Variants in MYO6 observed in about 807,000 individuals in gnomAD.
The protein encoded by MYO6 is myosin VI, also known as unconventional myosin-VI.
MYO6 carries 74 observed loss-of-function variants against 178.7 expected under a neutral mutation model. The observed-to-expected ratio is 0.41, with a 90% CI of 0.34 to 0.50. The LOEUF is 0.50. Ranked by LOEUF, MYO6 falls within the 20% of genes least tolerant of loss-of-function variation. The pLI is 0.09. For synonymous variants in MYO6, 477 were observed against 504.6 expected, an observed-to-expected ratio of 0.95 and a Z score of 0.73; for missense variants, 1,330 against 1,547.4, an observed-to-expected ratio of 0.86 and a Z score of 2.36.
At chr6:75,874,941 C>T (rs1197661147) in intron 20 of MYO6, among the ~76,000 whole-genome samples, 1 of 152,204 alleles carries the variant, frequency 6.6e-6, no homozygotes, top group East Asian at 1.9e-4. Context: ...ACTTCATAGC[C>T]ACATTTGACT....
chr6:75,902,237 CAT>C (rs1399121736), intron 30 of MYO6, among the ~76,000 whole-genome samples: 1 of 152,204 alleles, frequency 6.6e-6, no homozygotes, highest in East Asian at 1.9e-4. Context: ...ATGCTGGTCT[CAT>C]AAAATGAGTT....
At chr6:75,891,120 C>T in intron 26 of MYO6, 108 bp from the exon 27 acceptor site, 1 of 687,050 alleles carries the variant, frequency 1.5e-6, no homozygotes, top group Non-Finnish European at 2.5e-6. Context: ...GGTTAATTTG[C>T]ATTCCCAATC....
intron 14 of MYO6, among the ~76,000 whole-genome samples, chr6:75,860,799 G>A (rs1776135316): frequency 6.6e-6 from 1 of 152,118 alleles, no homozygotes; most frequent in Non-Finnish European, 1.5e-5. Context: ...TTATATCACT[G>A]TGTTGGTATT....
intron 1 of MYO6, among the ~76,000 whole-genome samples, chr6:75,805,021 A>ATATATATATTTTTTTT (rs1252912172): frequency 1.4e-4 from 11 of 77,312 alleles, no homozygotes; most frequent in South Asian, 4.5e-4. Flanking sequence ...ATATATATAT[A>ATATATATATTTTTTTT]TTTTTTTTTT....
intron 23 of MYO6, among the ~76,000 whole-genome samples, chr6:75,885,105 C>G (rs1778327674): frequency 6.6e-6 from 1 of 152,212 alleles, no homozygotes; most frequent in Non-Finnish European, 1.5e-5. Flanking sequence ...ACAAGGACAG[C>G]TTAGAGGTTA....
At chr6:75,900,548 C>G (rs1302252111) in intron 30 of MYO6, among the ~76,000 whole-genome samples, 2 of 152,128 alleles carry the variant, frequency 1.3e-5, no homozygotes, top group East Asian at 1.9e-4. Flanking sequence ...TGAGAAGTGT[C>G]TGTTCATGTC....
At chr6:75,817,803 ACTT>A (rs1331065891) in intron 2 of MYO6, 139 bp downstream of exon 2, 1 of 785,486 alleles carries the variant, frequency 1.3e-6, no homozygotes, top group Non-Finnish European at 2.1e-6. Flanking sequence ...TTTTCTCCTG[ACTT>A]CTTTGATTAA....
chr6:75,841,828 C>A (rs1265941852), intron 9 of MYO6, among the ~76,000 whole-genome samples: 1 of 152,070 alleles, frequency 6.6e-6, no homozygotes, highest in Non-Finnish European at 1.5e-5. Context: ...GTTAGAATGA[C>A]CACTGTACTG....
intron 1 of MYO6, among the ~76,000 whole-genome samples, chr6:75,772,138 A>G (rs1296405928): frequency 3.3e-5 from 5 of 152,174 alleles, no homozygotes; most frequent in African/African-American, 9.7e-5. Flanking sequence ...AAACCACTCT[A>G]AACAGGTCAC....
intron 1 of MYO6, among the ~76,000 whole-genome samples, chr6:75,802,277 T>C (rs544214981): frequency 2.2e-4 from 34 of 152,090 alleles, no homozygotes; most frequent in African/African-American, 7.7e-4. Flanking sequence ...CAGTCCAGCC[T>C]GGCCAACATG....
In MYO6 at chr6:75,826,867, C is replaced by T. The variant is rs563180655; in HGVS notation, c.188-1673C>T. Among the ~76,000 whole-genome samples, 17 of 151,798 alleles carry T rather than the reference C, an allele frequency of 1.1e-4. 1 individual carries two copies. Among genetic ancestry groups the T allele is most frequent in the Middle Eastern group, 3.4e-3 (1 of 294 alleles). The stretch of plus-strand genomic sequence containing the variant: ...GGTGGAGGTTACAGTGAGCTGAGAT[C>T]GTGCCACTGCACTCCAGCCTTGGCA... On this transcript the variant is annotated intron_variant, in intron 3 of 34. Coordinates refer to ENST00000369977, the MANE Select transcript of MYO6 (RefSeq NM_004999.4).
chr6:75,757,770 A>G (rs1777586200), intron 1 of MYO6, among the ~76,000 whole-genome samples: 1 of 152,006 alleles, frequency 6.6e-6, no homozygotes, highest in Non-Finnish European at 1.5e-5. Flanking sequence ...GGAAGTAACA[A>G]TATTACCTAC....
chr6:75,879,229 C>G (rs1777813821), intron 20 of MYO6, among the ~76,000 whole-genome samples: 1 of 151,864 alleles, frequency 6.6e-6, no homozygotes, highest in Non-Finnish European at 1.5e-5. Flanking sequence ...ACAAACTAGA[C>G]TTGATCTTTC....
At chr6:75,865,697 A>C (rs540171456) in intron 16 of MYO6, among the ~76,000 whole-genome samples, 33 of 151,446 alleles carry the variant, frequency 2.2e-4, no homozygotes, top group African/African-American at 8.0e-4. Flanking sequence ...AGGTTATTTC[A>C]AGGGTCAGAT....
At chr6:75,869,069 C>CA (rs1776928889) in intron 18 of MYO6, among the ~76,000 whole-genome samples, 2 of 88,790 alleles carry the variant, frequency 2.3e-5, no homozygotes, top group Admixed American at 1.2e-4. Context: ...ACTTTATCTC[C>CA]ATTTTTTTTT....
intron 3 of MYO6, 57 bp downstream of exon 3, chr6:75,822,908 A>T (rs1772049707): frequency 9.6e-6 from 13 of 1,359,566 alleles, no homozygotes; most frequent in Admixed American, 3.4e-5. Flanking sequence ...GTTCTTTTAA[A>T]AAAATAAATT....
At chr6:75,803,741 A>C (rs1392196319) in intron 1 of MYO6, among the ~76,000 whole-genome samples, 1 of 152,234 alleles carries the variant, frequency 6.6e-6, no homozygotes, top group East Asian at 1.9e-4. Flanking sequence ...CATTGTTAAT[A>C]AAAGTTTATT....
intron 1 of MYO6, among the ~76,000 whole-genome samples, chr6:75,780,730 A>G (rs1302865781): frequency 2.0e-5 from 3 of 152,132 alleles, no homozygotes; most frequent in Non-Finnish European, 4.4e-5. Flanking sequence ...TATATGATAT[A>G]CTATGTTAGA....
chr6:75,800,154 C>A (rs1411359750), intron 1 of MYO6, among the ~76,000 whole-genome samples: 1 of 151,942 alleles, frequency 6.6e-6, no homozygotes, highest in Non-Finnish European at 1.5e-5. Context: ...TGGTTCAACC[C>A]CCCTCCAGAC....
Sources: allele counts gnomAD v4.1 joint callset (sites outside exome capture counted in the v4.1 genomes callset), GRCh38; gene constraint gnomAD v4.1.1; transcripts MANE v1.5; gene names NCBI Gene and HGNC (gene_info 2026-07-23, HGNC 2026-07-21).